KLHL32: variants seen among roughly 807,000 people sequenced by gnomAD.
The protein encoded by KLHL32 is kelch-like protein 32.
In KLHL32, 35 loss-of-function variants were observed where a neutral mutation model predicts 64.8. The ratio of observed to expected loss-of-function variants is 0.54; its 90% CI spans 0.41 to 0.72. The LOEUF (loss-of-function observed/expected upper bound fraction) is 0.72, where lower values mean the gene tolerates loss of function less well. Ranked by LOEUF, KLHL32 falls within the 30% of genes least tolerant of loss-of-function variation. The probability of loss-of-function intolerance (pLI) is 0.00; values close to 1 mark genes in which losing one functional copy is unlikely to be tolerated. For synonymous variants in KLHL32, 259 were observed against 281.0 expected, an observed-to-expected ratio of 0.92 and a Z score of 0.78; for missense variants, 589 against 768.5, an observed-to-expected ratio of 0.77 and a Z score of 2.76.
At position 96,998,827 on chromosome 6, in the gene KLHL32, A is replaced by T. The variant is rs576517717; in HGVS notation, c.204+22650A>T. Among the ~76,000 whole-genome samples, 8 of 152,150 alleles carry T rather than the reference A, an allele frequency of 5.3e-5. No individual in the cohort carries two copies. In the South Asian group the frequency reaches 1.7e-3, roughly 31 times the overall value. The stretch of plus-strand genomic sequence containing the variant: ...TTGATCACAGAGGCACCAGAGTATC[A>T]TTCTTACAGTATTTGAATTATGCAT... On this transcript the variant is annotated intron_variant, in intron 3 of 10. Transcript: ENST00000369261.
At chr6:96,983,416 C>T (rs1216238642) in intron 3 of KLHL32, among the ~76,000 whole-genome samples, 1 of 152,264 alleles carries the variant, frequency 6.6e-6, no homozygotes, top group African/African-American at 2.4e-5. Flanking sequence ...GGGAGGATTC[C>T]CTCTTTTTCT....
intron 3 of KLHL32, among the ~76,000 whole-genome samples, chr6:97,011,264 C>A (rs567853450): frequency 7.4e-4 from 112 of 152,268 alleles, no homozygotes; most frequent in African/African-American, 2.6e-3. Context: ...TTGAATCCTG[C>A]AAGAGGTGGT....
At chr6:97,094,953 G>A (rs1034404746) in intron 6 of KLHL32, among the ~76,000 whole-genome samples, 15 of 152,246 alleles carry the variant, frequency 9.9e-5, no homozygotes, top group Admixed American at 6.5e-4. Flanking sequence ...AAGTTTAAAC[G>A]TTTTAGGAGG....
At chr6:96,904,845 A>T in the KLHL32 span, among the ~76,000 whole-genome samples, 1 of 152,214 alleles carries the variant, frequency 6.6e-6, no homozygotes, top group Non-Finnish European at 1.5e-5. Context: ...TCACTCTGTG[A>T]TGTAAGGATA....
chr6:97,095,814 A>G (rs1167377959), intron 6 of KLHL32, among the ~76,000 whole-genome samples: 1 of 152,214 alleles, frequency 6.6e-6, no homozygotes, highest in Non-Finnish European at 1.5e-5. Context: ...GATTTGGAAA[A>G]TACATGTGTT....
chr6:97,126,175 T>G (rs772397046), intron 7 of KLHL32, among the ~76,000 whole-genome samples: 3 of 152,152 alleles, frequency 2.0e-5, no homozygotes, highest in Admixed American at 6.5e-5. Context: ...ATTAGCTGCT[T>G]CTTTGTGATA....
the KLHL32 span, among the ~76,000 whole-genome samples, chr6:96,909,943 C>T: frequency 6.6e-6 from 1 of 152,190 alleles, no homozygotes; most frequent in African/African-American, 2.4e-5. Context: ...GTACTTTGCA[C>T]TTTTCCACAC....
chr6:97,052,059 C>A (rs2128137085), intron 4 of KLHL32, among the ~76,000 whole-genome samples: 1 of 152,310 alleles, frequency 6.6e-6, no homozygotes, highest in Non-Finnish European at 1.5e-5. Flanking sequence ...GACAATATAA[C>A]ATACTTACAC....
the KLHL32 span, among the ~76,000 whole-genome samples, chr6:96,914,530 T>C: frequency 6.6e-6 from 1 of 152,162 alleles, no homozygotes; most frequent in African/African-American, 2.4e-5. Flanking sequence ...TATCGCCCTT[T>C]TAGCAGATCC....
chr6:96,977,229 G>A (rs577432670), intron 3 of KLHL32, among the ~76,000 whole-genome samples: 1 of 152,218 alleles, frequency 6.6e-6, no homozygotes, highest in East Asian at 1.9e-4. Context: ...TTATTAAAAT[G>A]ACCATTTTGC....
intron 3 of KLHL32, among the ~76,000 whole-genome samples, chr6:96,990,050 G>C (rs1366623354): frequency 2.6e-5 from 4 of 152,128 alleles, no homozygotes; most frequent in African/African-American, 4.8e-5. Flanking sequence ...GAATTGTGAT[G>C]ATCTTCATTC....
At chr6:96,969,340 C>T (rs1269761781) in intron 2 of KLHL32, among the ~76,000 whole-genome samples, 1 of 152,150 alleles carries the variant, frequency 6.6e-6, no homozygotes, top group Non-Finnish European at 1.5e-5. Context: ...GTACTTTGAC[C>T]TCATTGTAAT....
chr6:97,104,953 C>G (rs1015896568), intron 6 of KLHL32, among the ~76,000 whole-genome samples: 1 of 152,210 alleles, frequency 6.6e-6, no homozygotes, highest in Non-Finnish European at 1.5e-5. Context: ...ACACTTTTCT[C>G]TCTATGGCAG....
At chr6:97,000,746 A>G (rs1204531532) in intron 3 of KLHL32, among the ~76,000 whole-genome samples, 1 of 152,234 alleles carries the variant, frequency 6.6e-6, no homozygotes, top group East Asian at 1.9e-4. Context: ...CATTCTCTAA[A>G]AAATACTGCA....
intron 1 of KLHL32, among the ~76,000 whole-genome samples, chr6:96,963,680 T>C (rs1196940809): frequency 3.9e-5 from 6 of 152,246 alleles, no homozygotes; most frequent in Non-Finnish European, 8.8e-5. Flanking sequence ...GAGAGGCTGA[T>C]GGATACTTAA....
At position 96,984,802 on chromosome 6, in the gene KLHL32, G is replaced by C. The variant is rs1582585110; in HGVS notation, c.204+8625G>C. ...AGATGGGTTTCCTGAATACAGTACA[G>C]TGATGGGTCTTGACTCTTTATCCAA... On this transcript the variant is annotated intron_variant, in intron 3 of 10. Coordinates refer to ENST00000369261, the MANE Select transcript of KLHL32 (RefSeq NM_052904.4). Among the ~76,000 whole-genome samples, 2 of 152,188 alleles carry C rather than the reference G, an allele frequency of 1.3e-5. 1 individual carries two copies. The highest frequency in any genetic ancestry group is 4.8e-5 in the African/African-American group (2 of 41,518).
chr6:97,053,854 A>G (rs1787355471), intron 4 of KLHL32, among the ~76,000 whole-genome samples: 1 of 152,082 alleles, frequency 6.6e-6, no homozygotes, highest in Non-Finnish European at 1.5e-5. Flanking sequence ...ATACATAGAT[A>G]TTTTGTAGTC....
At chr6:96,963,355 C>T (rs1263811031) in intron 1 of KLHL32, among the ~76,000 whole-genome samples, 6 of 152,166 alleles carry the variant, frequency 3.9e-5, no homozygotes, top group Non-Finnish European at 8.8e-5. Context: ...GAAGTCAGTA[C>T]CTTCTCCATT....
intron 5 of KLHL32, among the ~76,000 whole-genome samples, chr6:97,072,783 T>C (rs902634465): frequency 2.0e-5 from 3 of 152,200 alleles, no homozygotes; most frequent in Admixed American, 2.0e-4. Context: ...TCTACTCAGT[T>C]GGAATTATAT....
Sources: gnomAD v4.1 joint callset for allele counts (sites outside exome capture counted in the v4.1 genomes callset) on GRCh38, gnomAD v4.1.1 for gene constraint, MANE v1.5 for transcripts, NCBI Gene and HGNC (gene_info 2026-07-23, HGNC 2026-07-21) for gene names.